Variants in CADM2 observed in about 807,000 individuals in gnomAD.
CADM2 encodes immunoglobulin superfamily member 4D.
A neutral mutation model predicts 49.8 loss-of-function variants in CADM2; 12 were observed. The observed-to-expected ratio is 0.24, with a 90% CI of 0.15 to 0.39. CADM2 has a LOEUF of 0.39. Among genes scored for constraint, CADM2 ranks in the 10% least tolerant of loss-of-function variants. The probability of loss-of-function intolerance (pLI) is 1.00; values close to 1 mark genes in which losing one functional copy is unlikely to be tolerated. For missense variants in CADM2, 378 were observed against 492.3 expected (o/e 0.77, Z 2.20); for synonymous variants, 214 against 175.4 (o/e 1.22, Z -1.74).
At chr3:85,138,425 T>A (rs2039482613) in intron 1 of CADM2, among the ~76,000 whole-genome samples, 1 of 152,134 alleles carries the variant, frequency 6.6e-6, no homozygotes, top group Non-Finnish European at 1.5e-5. Context: ...TTGCACTTTA[T>A]TTTTCAAAAC....
At position 85,434,044 on chromosome 3, in the gene CADM2, A is replaced by C. The variant is rs1417159740; in HGVS notation, c.62-292478A>C. ...ATGTTGATTTAAAACTTACAGTATG[A>C]GTCGATTAAGTTTAGATTTTGCCAA... is the stretch of plus-strand genomic sequence containing the variant. On this transcript the variant is annotated intron_variant, in intron 1 of 9. Transcript: ENST00000383699. Among the ~76,000 whole-genome samples, 4 of 152,168 alleles carry C rather than the reference A, an allele frequency of 2.6e-5. No homozygotes were observed. In the South Asian group the frequency reaches 8.3e-4, roughly 31 times the overall value.
chr3:85,472,185 T>C (rs554295325), intron 1 of CADM2, among the ~76,000 whole-genome samples: 3 of 152,034 alleles, frequency 2.0e-5, no homozygotes, highest in Admixed American at 2.0e-4. Flanking sequence ...AAATTCTTTT[T>C]TACTTAATAT....
At chr3:85,142,435 T>C (rs982864236) in intron 1 of CADM2, among the ~76,000 whole-genome samples, 2 of 152,178 alleles carry the variant, frequency 1.3e-5, no homozygotes, top group African/African-American at 4.8e-5. Context: ...GAATGAAAAA[T>C]TGAAATTATC....
At chr3:85,226,393 T>C (rs2042161388) in intron 1 of CADM2, among the ~76,000 whole-genome samples, 1 of 152,118 alleles carries the variant, frequency 6.6e-6, no homozygotes, top group Non-Finnish European at 1.5e-5. Flanking sequence ...CTTCTAGACT[T>C]TGTAGTTTAT....
intron 1 of CADM2, among the ~76,000 whole-genome samples, chr3:85,215,358 TAAA>T (rs955035192): frequency 2.0e-3 from 163 of 80,948 alleles, no homozygotes; most frequent in Middle Eastern, 8.9e-3. Context: ...CTCTCTTTTT[TAAA>T]AAAAAAAAAA....
chr3:85,728,461 A>G lies in CADM2; in HGVS notation c.88+1913A>G, dbSNP rs181274882. ...TAACCATTGCTGAAGAAAGATATAT[A>G]TTATGTAGAGATAATAGAAAGAATT... On this transcript the variant is annotated intron_variant, in intron 2 of 9. Transcript: ENST00000383699. 4.6e-5 allele frequency among the ~76,000 whole-genome samples: 7 copies of G among 152,300 alleles called. No individual in the cohort carries two copies. The East Asian group carries it at 1.4e-3, about 29-fold the overall frequency.
chr3:85,606,373 G>A (rs1346977076), intron 1 of CADM2, among the ~76,000 whole-genome samples: 1 of 151,860 alleles, frequency 6.6e-6, no homozygotes, highest in Non-Finnish European at 1.5e-5. Context: ...CCAAACAACT[G>A]GAATCTAATA....
intron 1 of CADM2, among the ~76,000 whole-genome samples, chr3:85,450,846 T>C (rs1348291306): frequency 6.6e-6 from 1 of 152,080 alleles, no homozygotes; most frequent in African/African-American, 2.4e-5. Context: ...AAAAAGACTA[T>C]GAACTTCAAA....
At chr3:85,144,567 G>A (rs978852713) in intron 1 of CADM2, among the ~76,000 whole-genome samples, 3 of 148,330 alleles carry the variant, frequency 2.0e-5, no homozygotes, top group African/African-American at 5.0e-5. Context: ...AGCCAAGATC[G>A]CACCACTGCA....
intron 8 of CADM2, among the ~76,000 whole-genome samples, chr3:86,058,141 A>T (rs1027980544): frequency 1.3e-5 from 2 of 152,214 alleles, no homozygotes; most frequent in Non-Finnish European, 2.9e-5. Context: ...CTGCCACCAG[A>T]TTCTTTTTCC....
intron 1 of CADM2, among the ~76,000 whole-genome samples, chr3:85,070,307 A>C (rs1328652264): frequency 1.3e-5 from 2 of 152,170 alleles, no homozygotes; most frequent in African/African-American, 2.4e-5. Flanking sequence ...ACTAGAGAAA[A>C]TCAGTGTGAA....
intron 1 of CADM2, among the ~76,000 whole-genome samples, chr3:85,142,938 T>G (rs1057051826): frequency 8.5e-5 from 13 of 152,184 alleles, no homozygotes; most frequent in African/African-American, 2.9e-4. Flanking sequence ...AAAGTAATTA[T>G]TTTTCCAATT....
At chr3:85,366,966 G>A (rs919437875) in intron 1 of CADM2, among the ~76,000 whole-genome samples, 1 of 151,870 alleles carries the variant, frequency 6.6e-6, no homozygotes, top group Non-Finnish European at 1.5e-5. Context: ...AGTTAACACA[G>A]CTATGTCATT....
chr3:85,446,730 G>A (rs562915350), intron 1 of CADM2, among the ~76,000 whole-genome samples: 3 of 149,990 alleles, frequency 2.0e-5, no homozygotes, highest in Admixed American at 1.3e-4. Context: ...AGCCTCCTGA[G>A]TAGCTGGGAT....
chr3:85,632,639 A>G (rs1029195407), intron 1 of CADM2, among the ~76,000 whole-genome samples: 1 of 152,066 alleles, frequency 6.6e-6, no homozygotes, highest in Non-Finnish European at 1.5e-5. Context: ...CATGACAGCA[A>G]CCCATTTGGA....
intron 1 of CADM2, among the ~76,000 whole-genome samples, chr3:85,552,981 AGTTT>A (rs1305542383): frequency 2.6e-5 from 4 of 152,060 alleles, no homozygotes; most frequent in Non-Finnish European, 5.9e-5. Flanking sequence ...CTGGCCTCTT[AGTTT>A]ATTTTTTAAA....
intron 8 of CADM2, among the ~76,000 whole-genome samples, chr3:86,021,942 T>C (rs1276245711): frequency 2.0e-5 from 3 of 152,104 alleles, no homozygotes; most frequent in Non-Finnish European, 4.4e-5. Flanking sequence ...ACCTGTAATG[T>C]ATATGGGATT....
chr3:85,596,037 A>AT (rs2063230779), intron 1 of CADM2, among the ~76,000 whole-genome samples: 1 of 151,960 alleles, frequency 6.6e-6, no homozygotes, highest in Admixed American at 6.6e-5. Context: ...TACTATTTAA[A>AT]TTAATTACTA....
At chr3:85,671,828 G>A (rs1347797952) in intron 1 of CADM2, among the ~76,000 whole-genome samples, 1 of 152,060 alleles carries the variant, frequency 6.6e-6, no homozygotes, top group African/African-American at 2.4e-5. Flanking sequence ...TTCTGAATTA[G>A]CATCACTCAG....
Sources: allele counts gnomAD v4.1 joint callset (sites outside exome capture counted in the v4.1 genomes callset), GRCh38; gene constraint gnomAD v4.1.1; transcripts MANE v1.5; gene names NCBI Gene and HGNC (gene_info 2026-07-23, HGNC 2026-07-21).